The following HDAC9 variants were observed in gnomAD, a reference collection of about 807,000 sequenced individuals.
HDAC9 encodes the protein MEF-2 interacting transcription repressor (MITR) protein.
In HDAC9, 41 loss-of-function variants were observed where a neutral mutation model predicts 139.4. That is an observed-to-expected ratio of 0.29 (90% CI 0.23 to 0.38). The LOEUF (loss-of-function observed/expected upper bound fraction) is 0.38. Among genes scored for constraint, HDAC9 ranks in the 10% least tolerant of loss-of-function variants. The pLI is 1.00. For missense variants in HDAC9, 1,147 were observed against 1,297.0 expected (o/e 0.88, Z 1.78); for synonymous variants, 517 against 476.2 (o/e 1.09, Z -1.12).
At chr7:18,773,403 AC>A (rs1790489242) in intron 16 of HDAC9, among the ~76,000 whole-genome samples, 2 of 142,010 alleles carry the variant, frequency 1.4e-5, no homozygotes, top group Non-Finnish European at 3.1e-5. Context: ...ACACACACAC[AC>A]ACACACAAAA....
chr7:18,712,046 A>T (rs1282928596), intron 12 of HDAC9, among the ~76,000 whole-genome samples: 2 of 151,954 alleles, frequency 1.3e-5, no homozygotes, highest in African/African-American at 4.8e-5. Context: ...AGGATGAAGG[A>T]TGTGTAGTAA....
intron 6 of HDAC9, among the ~76,000 whole-genome samples, chr7:18,627,808 G>GT (rs948122577): frequency 1.1e-4 from 16 of 151,892 alleles, no homozygotes; most frequent in African/African-American, 2.7e-4. Flanking sequence ...CGGGCTTTTG[G>GT]TTTTTTTATC....
intron 1 of HDAC9, among the ~76,000 whole-genome samples, chr7:18,459,594 C>G (rs147626108): frequency 5.9e-5 from 9 of 151,908 alleles, no homozygotes; most frequent in African/African-American, 1.9e-4. Context: ...ATTTTTGCTC[C>G]CTTGCCAGTA....
intron 1 of HDAC9, among the ~76,000 whole-genome samples, chr7:18,162,072 T>G (rs1275745969): frequency 2.0e-5 from 3 of 152,190 alleles, no homozygotes; most frequent in African/African-American, 7.2e-5. Flanking sequence ...CTTTTTTAGA[T>G]GAAGACTTAG....
intron 8 of HDAC9, among the ~76,000 whole-genome samples, chr7:18,636,706 A>G (rs958840423): frequency 6.6e-6 from 1 of 152,062 alleles, no homozygotes; most frequent in East Asian, 1.9e-4. Context: ...CAAAAACATG[A>G]TAGCAGATGG....
At chr7:18,333,141 T>G (rs1188310135) in intron 1 of HDAC9, among the ~76,000 whole-genome samples, 1 of 151,404 alleles carries the variant, frequency 6.6e-6, no homozygotes, top group Non-Finnish European at 1.5e-5. Flanking sequence ...AAACAACGAT[T>G]TGGAAGGAAC....
At chr7:18,985,276 G>A (rs1244736254) in intron 25 of HDAC9, among the ~76,000 whole-genome samples, 1 of 151,790 alleles carries the variant, frequency 6.6e-6, no homozygotes, top group East Asian at 1.9e-4. Context: ...GTGTCCATGT[G>A]TTCTCATTGT....
At position 18,961,633 on chromosome 7, in the gene HDAC9, T is replaced by C. The variant is rs370802423; in HGVS notation, c.3022+7403T>C. On this transcript the variant is annotated intron_variant, in intron 24 of 25. Transcript: ENST00000686413. ...ACACAATACAAACCCTGTAAGATGA[T>C]AGCAAATAATAAAATAATGTAATAA... Among the ~76,000 whole-genome samples, 428 of 152,320 alleles carry C rather than the reference T, an allele frequency of 2.8e-3. 2 individuals are homozygous for C. Among genetic ancestry groups the C allele is most frequent in the African/African-American group, 9.8e-3 (407 of 41,592 alleles).
intron 24 of HDAC9, among the ~76,000 whole-genome samples, chr7:18,961,156 G>A (rs1024278521): frequency 2.0e-5 from 3 of 152,104 alleles, no homozygotes; most frequent in Non-Finnish European, 4.4e-5. Flanking sequence ...CAGGGGAGAA[G>A]GACAAGAAGG....
chr7:18,407,072 A>G (rs914701788), intron 1 of HDAC9, among the ~76,000 whole-genome samples: 2 of 152,116 alleles, frequency 1.3e-5, no homozygotes, highest in African/African-American at 4.8e-5. Context: ...TTTCTTACTG[A>G]AATCTCCTGA....
At chr7:18,268,574 G>A (rs915017168) in intron 2 of HDAC9, among the ~76,000 whole-genome samples, 1 of 152,022 alleles carries the variant, frequency 6.6e-6, no homozygotes, top group African/African-American at 2.4e-5. Flanking sequence ...TTTAATTAAA[G>A]TTTAAAGAGA....
chr7:18,446,670 A>G (rs1365758378), intron 1 of HDAC9, among the ~76,000 whole-genome samples: 4 of 152,182 alleles, frequency 2.6e-5, no homozygotes, highest in Admixed American at 2.6e-4. Flanking sequence ...TTTGCTATGC[A>G]TTTACAAATA....
chr7:18,399,403 A>C (rs1409455715), intron 1 of HDAC9, among the ~76,000 whole-genome samples: 1 of 152,184 alleles, frequency 6.6e-6, no homozygotes, highest in African/African-American at 2.4e-5. Context: ...CTGTGTTATA[A>C]AAGGTACGAA....
At chr7:18,948,251 A>G (rs1178655640) in intron 23 of HDAC9, among the ~76,000 whole-genome samples, 1 of 152,050 alleles carries the variant, frequency 6.6e-6, no homozygotes, top group Non-Finnish European at 1.5e-5. Context: ...AGATATCAGT[A>G]TTGGAGAAAA....
chr7:18,164,738 G>C (rs1787883826), intron 2 of HDAC9, among the ~76,000 whole-genome samples: 1 of 152,186 alleles, frequency 6.6e-6, no homozygotes, highest in African/African-American at 2.4e-5. Context: ...CAAACAATAA[G>C]TGCTGATTTT....
chr7:18,306,085 G>A (rs909099522), intron 1 of HDAC9, among the ~76,000 whole-genome samples: 9 of 152,176 alleles, frequency 5.9e-5, no homozygotes, highest in African/African-American at 1.9e-4. Flanking sequence ...GGGAATGGAA[G>A]GCAGCCAAAA....
intron 2 of HDAC9, among the ~76,000 whole-genome samples, chr7:18,553,773 C>G (rs1159066028): frequency 6.6e-6 from 1 of 152,148 alleles, no homozygotes; most frequent in Non-Finnish European, 1.5e-5. Context: ...TTTATCTTAC[C>G]TACGAGCATC....
At position 18,994,222 on chromosome 7, in the gene HDAC9, T is replaced by C. The variant is rs1786266834; in HGVS notation, c.3171-1801T>C. 2.0e-5 allele frequency among the ~76,000 whole-genome samples: 3 copies of C among 152,098 alleles called. No individual in the cohort carries two copies. In the South Asian group the frequency reaches 6.2e-4, roughly 32 times the overall value. On this transcript the variant is annotated intron_variant, in intron 25 of 25. Transcript: ENST00000686413. ...CTGGATTCGGGGGAAAAGATTATCC[T>C]GCTGCAGCTTGAGTTAGAAATTGGA...
intron 25 of HDAC9, among the ~76,000 whole-genome samples, chr7:18,991,453 CGG>C (rs1785947713): frequency 6.6e-6 from 1 of 152,016 alleles, no homozygotes; most frequent in Admixed American, 6.6e-5. Context: ...CTGGCTAACA[CGG>C]TGAAACCCTG....
Sources: allele counts gnomAD v4.1 joint callset (sites outside exome capture counted in the v4.1 genomes callset), GRCh38; gene constraint gnomAD v4.1.1; transcripts MANE v1.5; gene names NCBI Gene and HGNC (gene_info 2026-07-23, HGNC 2026-07-21).